The following RAI1 variants were observed in gnomAD, a reference collection of about 807,000 sequenced individuals.
RAI1 encodes the protein retinoic acid induced 1.
RAI1 carries 9 observed loss-of-function variants against 123.8 expected under a neutral mutation model. The ratio of observed to expected loss-of-function variants is 0.07; its 90% CI spans 0.04 to 0.13. The LOEUF is 0.13. Among genes scored for constraint, RAI1 ranks in the 10% least tolerant of loss-of-function variants. RAI1 has a pLI of 1.00. For synonymous variants in RAI1, 1,231 were observed against 1,127.3 expected (o/e 1.09, Z -1.84); for missense variants, 2,256 against 2,545.8 (o/e 0.89, Z 2.45).
intron 1 of RAI1, among the ~76,000 whole-genome samples, chr17:17,699,924 C>T (rs944208459): frequency 2.6e-5 from 4 of 152,218 alleles, no homozygotes; most frequent in Non-Finnish European, 5.9e-5. Flanking sequence ...TCAAAGCTCA[C>T]TGTGGCTTGT....
chr17:17,750,241 A>G (rs2030101995), intron 2 of RAI1, among the ~76,000 whole-genome samples: 1 of 152,230 alleles, frequency 6.6e-6, no homozygotes, highest in East Asian at 1.9e-4. Flanking sequence ...AGGTTGCTGT[A>G]TTGGTCTCTC....
intron 1 of RAI1, among the ~76,000 whole-genome samples, chr17:17,697,339 G>T (rs1915073167): frequency 6.6e-6 from 1 of 152,238 alleles, no homozygotes; most frequent in Non-Finnish European, 1.5e-5. Context: ...AGGGGCAGCG[G>T]GTGTGGCATG....
rs770529367 is a variant in RAI1 at position 17,797,757 on chromosome 17, G to A, written c.4809G>A (p.Lys1603=). 8.1e-6 allele frequency: 13 copies of A among 1,614,080 alleles called. No homozygotes were observed. The Admixed American group carries it at 1.0e-4, about 12-fold the overall frequency. Residue 1603 remains lysine, a synonymous_variant, in exon 3 of 6, where the codon AAG becomes AAA. Transcript: ENST00000353383. The part of the protein sequence containing the change: ...PAFSPFVRVE[K]RDAFTTICTV... ...TCTCACCCTTCGTGCGGGTGGAGAA[G>A]CGAGACGCGTTCACCACCATATGCA...
intron 1 of RAI1, among the ~76,000 whole-genome samples, chr17:17,689,486 G>A (rs1395469007): frequency 6.6e-6 from 1 of 152,204 alleles, no homozygotes; most frequent in Non-Finnish European, 1.5e-5. Context: ...CCCCAGGAAA[G>A]CATCCAGCAA....
chr17:17,779,137 G>C (rs2031465631), intron 2 of RAI1: 2 of 345,344 alleles, frequency 5.8e-6, no homozygotes, highest in South Asian at 4.5e-5. Flanking sequence ...ACAAGACAAG[G>C]CATCAGCCGA....
intron 2 of RAI1, among the ~76,000 whole-genome samples, chr17:17,762,910 A>G (rs1389790060): frequency 6.6e-6 from 1 of 151,474 alleles, no homozygotes; most frequent in Non-Finnish European, 1.5e-5. Context: ...GGCTGGCCCG[A>G]TGATTGGCAG....
Position 17,796,552 on chromosome 17 carries a change from C to T in RAI1, c.3604C>T (p.Arg1202Trp), listed in dbSNP as rs757283974. The T allele has an allele frequency of 2.0e-5, 32 of 1,610,792 alleles. No individual in the cohort carries two copies. The highest frequency in any genetic ancestry group is 2.7e-5 in the African/African-American group (2 of 74,934). ...CCAGAAGGAGGGCAGGGTGAGCCAGCGGGCAAGGGTCCCCAAACCTGGTGC... is the reference window on the plus strand; with the variant it reads ...CCAGAAGGAGGGCAGGGTGAGCCAGTGGGCAAGGGTCCCCAAACCTGGTGC... ...SPQKEGRVSQ[R>W]ARVPKPGAGS... Residue 1202 changes from arginine to tryptophan, a missense_variant, in exon 3 of 6, where the codon CGG becomes TGG. Coordinates refer to ENST00000353383, the MANE Select transcript of RAI1 (RefSeq NM_030665.4). The surrounding 1 kb of genome is among the most constrained non-coding windows in gnomAD (Gnocchi z 5.8).
chr17:17,765,058 G>A (rs2030869209), intron 2 of RAI1, among the ~76,000 whole-genome samples: 1 of 152,226 alleles, frequency 6.6e-6, no homozygotes. Flanking sequence ...GCTTGCGCCT[G>A]TATTCCCAGC....
chr17:17,765,177 T>G (rs1185958344), intron 2 of RAI1, among the ~76,000 whole-genome samples: 1 of 152,242 alleles, frequency 6.6e-6, no homozygotes, highest in Non-Finnish European at 1.5e-5. Flanking sequence ...GAGGATCTTG[T>G]GAATATACCT....
intron 1 of RAI1, among the ~76,000 whole-genome samples, chr17:17,697,557 G>T (rs1192261524): frequency 6.6e-6 from 1 of 152,256 alleles, no homozygotes; most frequent in Non-Finnish European, 1.5e-5. Context: ...AGATTGATGT[G>T]CTGAACATGA....
Position 17,797,536 on chromosome 17 carries a change from A to G in RAI1, c.4588A>G (p.Asn1530Asp). The change falls in exon 3 of 6, where the codon AAC becomes GAC. Residue 1530 changes from asparagine (N) to aspartate (D), a missense_variant. By Grantham distance (23) the Asn-to-Asp change is conservative. Transcript: ENST00000353383. ...GGCACAGAAACAGCCAGGCCACACC[A>G]ACTACAGCAGCTATTCCAAGCGGAA... The part of the protein sequence containing the change: ...TRAQKQPGHT[N>D]YSSYSKRKRL... 1 of 1,613,972 alleles carries G rather than the reference A, an allele frequency of 6.2e-7. No individual in the cohort carries two copies. Among genetic ancestry groups the G allele is most frequent in the Middle Eastern group, 1.6e-4 (1 of 6,062 alleles).
chr17:17,685,157 A>G lies in RAI1; in HGVS notation c.-149+3364A>G, dbSNP rs990603865. On this transcript the variant is annotated intron_variant, in intron 1 of 5. Transcript: ENST00000353383. This position sits in a 1 kb window ranked among gnomAD's most constrained non-coding sequence, Gnocchi z 4.0. ...GGCATGGGTGTCTTTTTCCTCCCCT[A>G]TCCAACGTGTGGCTCCACAGGGAGG... 5.3e-5 allele frequency: 8 copies of G among 152,180 alleles called. No homozygotes were observed. Among genetic ancestry groups the G allele is most frequent in the African/African-American group, 1.9e-4 (8 of 41,440 alleles). 9.4% of individuals were successfully genotyped at this position (152,180 alleles called of 1,614,324 possible). A position where few individuals can be genotyped will look rare whatever the true frequency, so the allele number is the denominator to read the frequency against.
chr17:17,773,433 T>C (rs933629087), intron 2 of RAI1, among the ~76,000 whole-genome samples: 2 of 152,138 alleles, frequency 1.3e-5, no homozygotes, highest in African/African-American at 4.8e-5. Context: ...CATCCCTGCT[T>C]GCTCCCAGGA....
At chr17:17,692,617 G>A (rs1056849097) in intron 1 of RAI1, among the ~76,000 whole-genome samples, 5 of 152,180 alleles carry the variant, frequency 3.3e-5, no homozygotes, top group South Asian at 2.1e-4. Flanking sequence ...TCATCCATTC[G>A]GGAGCTAATT....
chr17:17,683,148 T>G (rs1366967419), intron 1 of RAI1, among the ~76,000 whole-genome samples: 1 of 152,228 alleles, frequency 6.6e-6, no homozygotes, highest in Non-Finnish European at 1.5e-5. Flanking sequence ...CAATCCAGTT[T>G]CATGCCGCTG....
chr17:17,740,951 C>T (rs1231982005), intron 2 of RAI1, among the ~76,000 whole-genome samples: 9 of 17,686 alleles, frequency 5.1e-4, no homozygotes, highest in African/African-American at 1.6e-3. Context: ...ACAGGGAGGC[C>T]GTGGGCGGGT....
At chr17:17,688,725 G>C (rs142767819) in intron 1 of RAI1, among the ~76,000 whole-genome samples, 1 of 146,954 alleles carries the variant, frequency 6.8e-6, no homozygotes, top group Non-Finnish European at 1.5e-5. Context: ...TCAGCCTCCC[G>C]AGTAGCTGGG....
At chr17:17,728,403 C>T (rs371821207) in intron 2 of RAI1, among the ~76,000 whole-genome samples, 38 of 152,310 alleles carry the variant, frequency 2.5e-4, no homozygotes, top group African/African-American at 3.9e-4. Context: ...TAATTAAAAA[C>T]GATTATATCC....
chr17:17,689,063 C>T (rs1210751630), intron 1 of RAI1, among the ~76,000 whole-genome samples: 1 of 151,974 alleles, frequency 6.6e-6, no homozygotes, highest in Non-Finnish European at 1.5e-5. Flanking sequence ...TCAAGCATTT[C>T]TCCTGCCTCA....
Sources: gnomAD v4.1 joint callset for allele counts (sites outside exome capture counted in the v4.1 genomes callset) on GRCh38, gnomAD v4.1.1 for gene constraint, Gnocchi (gnomAD v3.1) non-coding constraint, MANE v1.5 for transcripts, NCBI Gene and HGNC (gene_info 2026-07-23, HGNC 2026-07-21) for gene names.